LINGO2: variants seen among roughly 807,000 people sequenced by gnomAD.
The protein encoded by LINGO2 is leucine-rich repeat and immunoglobulin-like domain-containing nogo receptor-interacting protein 2.
Under a neutral mutation model 30.6 loss-of-function variants are expected in LINGO2, and 14 were observed. The observed-to-expected ratio is 0.46, with a 90% confidence interval of 0.30 to 0.72. LINGO2 has a LOEUF of 0.72. Among genes scored for constraint, LINGO2 ranks in the 30% least tolerant of loss-of-function variants. The pLI, the probability that LINGO2 is intolerant of heterozygous loss-of-function variation, is 0.07. For synonymous variants in LINGO2, 317 were observed against 288.5 expected, an observed-to-expected ratio of 1.10 and a Z score of -1.00; for missense variants, 729 against 751.7, an observed-to-expected ratio of 0.97 and a Z score of 0.35.
chr9:28,348,491 G>A (rs890283271), intron 3 of LINGO2, among the ~76,000 whole-genome samples: 9 of 152,166 alleles, frequency 5.9e-5, no homozygotes, highest in African/African-American at 1.7e-4. Flanking sequence ...CTGGCTCGGA[G>A]GGTCCAATGC....
intron 3 of LINGO2, among the ~76,000 whole-genome samples, chr9:28,330,346 G>GT (rs1317624410): frequency 6.6e-6 from 1 of 152,172 alleles, no homozygotes; most frequent in Admixed American, 6.5e-5. Context: ...ACAAAGAGCA[G>GT]TTTTAGGTTT....
intron 4 of LINGO2, among the ~76,000 whole-genome samples, chr9:28,215,838 A>G (rs928443341): frequency 6.6e-6 from 1 of 151,886 alleles, no homozygotes; most frequent in African/African-American, 2.4e-5. Flanking sequence ...GTTGGCAGAG[A>G]AAACAGACTT....
At chr9:28,667,693 G>A (rs954880919) in intron 1 of LINGO2, among the ~76,000 whole-genome samples, 4 of 152,130 alleles carry the variant, frequency 2.6e-5, no homozygotes, top group Non-Finnish European at 5.9e-5. Context: ...GCAGTGAGCC[G>A]AGATTGTGCC....
At chr9:28,869,989 T>TA in the LINGO2 span, among the ~76,000 whole-genome samples, 1 of 151,586 alleles carries the variant, frequency 6.6e-6, no homozygotes, top group African/African-American at 2.4e-5. Flanking sequence ...TAAATAAAAG[T>TA]ATTAACAGTA....
intron 1 of LINGO2, among the ~76,000 whole-genome samples, chr9:28,576,204 T>G (rs1254721492): frequency 6.6e-6 from 1 of 152,220 alleles, no homozygotes; most frequent in Admixed American, 6.5e-5. Context: ...TTATTCACCC[T>G]TGTGATTGCA....
At chr9:29,081,431 T>A in the LINGO2 span, among the ~76,000 whole-genome samples, 1 of 152,254 alleles carries the variant, frequency 6.6e-6, no homozygotes, top group Middle Eastern at 3.4e-3. Flanking sequence ...GGGATGTATC[T>A]CAAAATAATA....
chr9:29,207,064 T>C, the LINGO2 span, among the ~76,000 whole-genome samples: 1 of 151,840 alleles, frequency 6.6e-6, no homozygotes, highest in Non-Finnish European at 1.5e-5. Context: ...AATATACATA[T>C]GTACATACAT....
chr9:29,150,875 T>C, the LINGO2 span, among the ~76,000 whole-genome samples: 2 of 152,110 alleles, frequency 1.3e-5, no homozygotes, highest in African/African-American at 2.4e-5. Context: ...CTAGAGAGGT[T>C]GACATGCACA....
chr9:28,802,818 T>C, the LINGO2 span, among the ~76,000 whole-genome samples: 1 of 152,076 alleles, frequency 6.6e-6, no homozygotes, highest in South Asian at 2.1e-4. Flanking sequence ...TCTGTTGCTA[T>C]CTCTTTGGGC....
chr9:28,092,547 G>A (rs1004919702), intron 4 of LINGO2, among the ~76,000 whole-genome samples: 7 of 148,138 alleles, frequency 4.7e-5, no homozygotes, highest in Non-Finnish European at 7.5e-5. Context: ...GGCCTGTTGT[G>A]CGGTGGGGGG....
At chr9:29,024,994 G>GA in the LINGO2 span, among the ~76,000 whole-genome samples, 2 of 151,698 alleles carry the variant, frequency 1.3e-5, no homozygotes, top group African/African-American at 4.8e-5. Flanking sequence ...TATCAAAAAA[G>GA]AAAAAAACAG....
At chr9:29,201,877 C>T in the LINGO2 span, among the ~76,000 whole-genome samples, 4 of 152,022 alleles carry the variant, frequency 2.6e-5, no homozygotes, top group African/African-American at 7.2e-5. Context: ...GAAACTAACA[C>T]GTCATGAGAC....
chr9:28,470,815 T>A (rs1046266965), intron 2 of LINGO2, among the ~76,000 whole-genome samples: 1 of 150,960 alleles, frequency 6.6e-6, no homozygotes, highest in African/African-American at 2.4e-5. Context: ...TAAGTGGGAT[T>A]GTTAGGCTTG....
chr9:28,301,874 G>A (rs572691861), intron 3 of LINGO2, among the ~76,000 whole-genome samples: 18 of 152,060 alleles, frequency 1.2e-4, no homozygotes, highest in Admixed American at 9.2e-4. Flanking sequence ...GCTAACCATG[G>A]ACCTCTCAGC....
intron 4 of LINGO2, among the ~76,000 whole-genome samples, chr9:28,035,055 G>A (rs932467592): frequency 6.6e-6 from 1 of 152,206 alleles, no homozygotes; most frequent in African/African-American, 2.4e-5. Flanking sequence ...CTTAACTGAT[G>A]TGCCTGTTTG....
At chr9:28,941,294 G>A in the LINGO2 span, among the ~76,000 whole-genome samples, 1 of 152,102 alleles carries the variant, frequency 6.6e-6, no homozygotes, top group Non-Finnish European at 1.5e-5. Flanking sequence ...ATCTAGATAT[G>A]CATATTTAAT....
At chr9:29,001,189 T>G in the LINGO2 span, among the ~76,000 whole-genome samples, 1 of 151,880 alleles carries the variant, frequency 6.6e-6, no homozygotes, top group Non-Finnish European at 1.5e-5. Flanking sequence ...GAAAGCTACT[T>G]TAATACAGGA....
At chr9:28,737,970 C>A in the LINGO2 span, among the ~76,000 whole-genome samples, 2 of 152,078 alleles carry the variant, frequency 1.3e-5, no homozygotes, top group Admixed American at 1.3e-4. Context: ...CCGATTCCAA[C>A]ATCAATTTGT....
intron 4 of LINGO2, among the ~76,000 whole-genome samples, chr9:28,041,212 TCA>T (rs1312098616): frequency 1.3e-5 from 2 of 152,178 alleles, no homozygotes; most frequent in Non-Finnish European, 2.9e-5. Context: ...AACTGTTTTC[TCA>T]GAGTTATGAG....
Sources: gnomAD v4.1 joint callset for allele counts (sites outside exome capture counted in the v4.1 genomes callset) on GRCh38, gnomAD v4.1.1 for gene constraint, MANE v1.5 for transcripts, NCBI Gene and HGNC (gene_info 2026-07-23, HGNC 2026-07-21) for gene names.